Variants in TMEM45B observed in about 807,000 individuals in gnomAD.
TMEM45B encodes the protein transmembrane protein 45B.
A neutral mutation model predicts 27.3 loss-of-function variants in TMEM45B; 29 were observed. The observed-to-expected ratio is 1.06, with a 90% CI of 0.79 to 1.45. TMEM45B has a LOEUF of 1.45. Ranked by LOEUF, TMEM45B falls within the 40% of genes most tolerant of loss-of-function variation. The pLI is 0.00. For synonymous variants in TMEM45B, 143 were observed against 134.7 expected, an observed-to-expected ratio of 1.06 and a Z score of -0.43; for missense variants, 348 against 343.9, an observed-to-expected ratio of 1.01 and a Z score of -0.09.
At position 129,855,630 on chromosome 11, in the gene TMEM45B, G is replaced by A. The variant is rs562655049; in HGVS notation, c.386-78G>A. 1.1e-4 allele frequency: 160 copies of A among 1,480,938 alleles called. 1 individual carries two copies. Among genetic ancestry groups the A allele is most frequent in the Middle Eastern group, 7.1e-4 (4 of 5,610 alleles). The allele number at this position is 1,480,938 out of a possible 1,614,324, so 91.7% of individuals were successfully genotyped here. On this transcript the variant is annotated intron_variant, in intron 3 of 5. Coordinates refer to ENST00000281441, the MANE Select transcript of TMEM45B (RefSeq NM_138788.5). ...TGCCTAAATGCTGAAGAACCTAGCTGAGACAGGTGTAGGAGGAAACTTCGG... is the reference window on the plus strand; with the variant it reads ...TGCCTAAATGCTGAAGAACCTAGCTAAGACAGGTGTAGGAGGAAACTTCGG...
At chr11:129,825,965 G>A (rs1947472547) in intron 1 of TMEM45B, among the ~76,000 whole-genome samples, 1 of 143,358 alleles carries the variant, frequency 7.0e-6, no homozygotes, top group African/African-American at 2.6e-5. Context: ...GTTAATTACA[G>A]AAATATATGT....
At chr11:129,833,983 A>G (rs978184679) in intron 1 of TMEM45B, among the ~76,000 whole-genome samples, 6 of 152,238 alleles carry the variant, frequency 3.9e-5, no homozygotes, top group Admixed American at 6.5e-5. Context: ...ACTTTGTTAC[A>G]GCAGCCCTGG....
chr11:129,820,981 G>T (rs1947412638), intron 1 of TMEM45B, among the ~76,000 whole-genome samples: 1 of 152,012 alleles, frequency 6.6e-6, no homozygotes, highest in Admixed American at 6.6e-5. Flanking sequence ...AAGGATGAGG[G>T]TTTCGCTCCT....
chr11:129,834,042 C>T (rs1278769432), intron 1 of TMEM45B, among the ~76,000 whole-genome samples: 2 of 152,120 alleles, frequency 1.3e-5, no homozygotes, highest in Admixed American at 6.6e-5. Flanking sequence ...GTTGAGCAGA[C>T]GTGGCTTTGG....
At position 129,851,543 on chromosome 11, in the gene TMEM45B, CAAA is replaced by C. The variant is rs71057982; in HGVS notation, c.-8-919_-8-917del. Among the ~76,000 whole-genome samples, 32 of 54,950 alleles carry C rather than the reference CAAA, an allele frequency of 5.8e-4. 1 individual carries two copies. The highest frequency in any genetic ancestry group is 0.01 in the Middle Eastern group (1 of 100). The allele number at this position is 54,950 out of a possible 152,430, so 36.0% of individuals were successfully genotyped here. A position where few individuals can be genotyped will look rare whatever the true frequency, so the allele number is the denominator to read the frequency against. On this transcript the variant is annotated intron_variant, in intron 1 of 5. Coordinates refer to ENST00000281441, the MANE Select transcript of TMEM45B (RefSeq NM_138788.5). ...TGGGTGACAGAGTGAAACTCTGCCT[CAAA>C]AAAAAAAAAAAAGTCCCCTTCTCTT... is the stretch of plus-strand genomic sequence containing the variant.
intron 5 of TMEM45B, 43 bp from the exon 6 acceptor site, chr11:129,858,531 G>A (rs1387409359): frequency 7.0e-7 from 1 of 1,426,512 alleles, no homozygotes; most frequent in East Asian, 2.4e-5. Context: ...AATGGATTAA[G>A]GGAATCTCTG....
At chr11:129,826,442 G>A (rs1433985918) in intron 1 of TMEM45B, among the ~76,000 whole-genome samples, 7 of 150,608 alleles carry the variant, frequency 4.6e-5, no homozygotes, top group Non-Finnish European at 7.4e-5. Flanking sequence ...CCAGCTAATC[G>A]GGAGGCTGAG....
chr11:129,832,496 C>A (rs1438358573), intron 1 of TMEM45B, among the ~76,000 whole-genome samples: 1 of 151,714 alleles, frequency 6.6e-6, no homozygotes, highest in African/African-American at 2.4e-5. Context: ...CTAAATTAGG[C>A]AAATCCACAG....
chr11:129,830,257 G>A (rs1282171180), intron 1 of TMEM45B, among the ~76,000 whole-genome samples: 5 of 152,198 alleles, frequency 3.3e-5, no homozygotes, highest in Non-Finnish European at 5.9e-5. Context: ...AACCTGGGAG[G>A]TGAAGGTTGC....
intron 1 of TMEM45B, among the ~76,000 whole-genome samples, chr11:129,824,101 T>A (rs915611111): frequency 6.6e-6 from 1 of 152,234 alleles, no homozygotes. Context: ...AGACCCACAA[T>A]GAAAGTCCCT....
At chr11:129,855,104 T>C (rs904959842) in intron 3 of TMEM45B, among the ~76,000 whole-genome samples, 1 of 152,178 alleles carries the variant, frequency 6.6e-6, no homozygotes, top group African/African-American at 2.4e-5. Context: ...CAGCAGCCCC[T>C]GCTCACACAC....
chr11:129,830,849 A>C (rs1368220520), intron 1 of TMEM45B, among the ~76,000 whole-genome samples: 1 of 152,206 alleles, frequency 6.6e-6, no homozygotes, highest in African/African-American at 2.4e-5. Flanking sequence ...TGCTGGTGGG[A>C]TTGTGAAAGG....
chr11:129,855,947 G>A (rs1947918415), intron 4 of TMEM45B, 55 bp downstream of exon 4: 1 of 1,591,332 alleles, frequency 6.3e-7, no homozygotes, highest in African/African-American at 1.3e-5. Context: ...CCCCCACCGA[G>A]CGCATCCCAG....
intron 1 of TMEM45B, among the ~76,000 whole-genome samples, chr11:129,831,440 A>C (rs1363234080): frequency 1.3e-5 from 2 of 152,234 alleles, no homozygotes; most frequent in Non-Finnish European, 2.9e-5. Context: ...TGCTGGAGAA[A>C]GCGATGATTC....
At chr11:129,816,208 A>G (rs1392814383) in intron 1 of TMEM45B, among the ~76,000 whole-genome samples, 1 of 152,014 alleles carries the variant, frequency 6.6e-6, no homozygotes, top group East Asian at 1.9e-4. Flanking sequence ...CCCTGGAACG[A>G]ATATTGCTCA....
At chr11:129,855,145 G>T (rs986362306) in intron 3 of TMEM45B, among the ~76,000 whole-genome samples, 2 of 152,102 alleles carry the variant, frequency 1.3e-5, no homozygotes, top group Non-Finnish European at 2.9e-5. Context: ...ACGTATGTGC[G>T]CACATACACA....
At position 129,852,555 on chromosome 11, in the gene TMEM45B, T is replaced by A. The variant is rs764694428; in HGVS notation, c.73T>A (p.Tyr25Asn). 24 of 1,613,868 alleles carry A rather than the reference T, an allele frequency of 1.5e-5. No individual in the cohort carries two copies. The highest frequency in any genetic ancestry group is 1.6e-4 in the Middle Eastern group (1 of 6,084). ...CATTGGGCTGTGTTGGTCAGTGAAG[T>A]ACCCGCTGAAGTACTTTAGCCACAC... is the stretch of plus-strand genomic sequence containing the variant. Reference protein sequence around the residue: ...LIIGLCWSVKYPLKYFSHTRK... With the variant: ...LIIGLCWSVKNPLKYFSHTRK... Residue 25 changes from tyrosine to asparagine, a missense_variant, in exon 2 of 6, where the codon TAC becomes AAC. Coordinates refer to ENST00000281441, the MANE Select transcript of TMEM45B (RefSeq NM_138788.5).
Position 129,858,634 on chromosome 11 carries a change from T to A in TMEM45B, c.777T>A (p.Asn259Lys), listed in dbSNP as rs149126575. ...RGEIIGIQKL[N>K]SDDTYQTALL... Reference sequence around the variant, plus strand: ...AAATCATTGGAATTCAGAAGCTGAATTCAGATGACACTTACCAGACCGCCC... The same window carrying A: ...AAATCATTGGAATTCAGAAGCTGAAATCAGATGACACTTACCAGACCGCCC... Residue 259 changes from asparagine to lysine, a missense_variant, in exon 6 of 6, where the codon AAT (asparagine) becomes AAA (lysine). By Grantham distance (94) the Asn-to-Lys change is moderately conservative (BLOSUM62 0). Coordinates refer to ENST00000281441, the MANE Select transcript of TMEM45B (RefSeq NM_138788.5). The A allele has an allele frequency of 1.9e-6, 3 of 1,583,892 alleles. No individual in the cohort carries two copies. Among genetic ancestry groups the A allele is most frequent in the African/African-American group, 2.7e-5 (2 of 74,658 alleles).
At chr11:129,851,463 G>T (rs1261917253) in intron 1 of TMEM45B, among the ~76,000 whole-genome samples, 1 of 144,284 alleles carries the variant, frequency 6.9e-6, no homozygotes, top group African/African-American at 2.6e-5. Context: ...AGAATCGCTT[G>T]AACCTGGGAG....
Sources: gnomAD v4.1 joint callset for allele counts (sites outside exome capture counted in the v4.1 genomes callset) on GRCh38, gnomAD v4.1.1 for gene constraint, MANE v1.5 for transcripts, NCBI Gene and HGNC (gene_info 2026-07-23, HGNC 2026-07-21) for gene names.